Variants in DPP6 observed in about 807,000 individuals in gnomAD.
DPP6 encodes the protein dipeptidyl peptidase like 6, also known as A-type potassium channel modulatory protein DPP6.
In DPP6, 69 loss-of-function variants were observed where a neutral mutation model predicts 122.6. That is an observed-to-expected ratio of 0.56 (90% CI 0.46 to 0.69). The LOEUF (loss-of-function observed/expected upper bound fraction) is 0.69. Among genes scored for constraint, DPP6 ranks in the 30% least tolerant of loss-of-function variants. The pLI is 0.00. For missense variants in DPP6, 928 were observed against 1,116.9 expected (o/e 0.83, Z 2.41); for synonymous variants, 418 against 433.1 (o/e 0.97, Z 0.43).
At chr7:154,017,727 T>TAAAA in intron 1 of DPP6, among the ~76,000 whole-genome samples, 1 of 109,452 alleles carries the variant, frequency 9.1e-6, no homozygotes, top group African/African-American at 3.7e-5. Context: ...AATAAAAAAA[T>TAAAA]AAAAAAAAAA....
At chr7:154,888,281 G>T (rs532045861) in intron 23 of DPP6, among the ~76,000 whole-genome samples, 2 of 152,060 alleles carry the variant, frequency 1.3e-5, no homozygotes, top group South Asian at 2.1e-4. Context: ...TAGAGACGGG[G>T]TTTCACCGTG....
At chr7:154,433,614 C>T (rs916454624) in intron 1 of DPP6, among the ~76,000 whole-genome samples, 9 of 152,070 alleles carry the variant, frequency 5.9e-5, no homozygotes, top group African/African-American at 1.9e-4. Context: ...ATTTTTGTAC[C>T]ATCATTTTGA....
chr7:154,856,767 C>T lies in DPP6; in HGVS notation c.1714+2940C>T, dbSNP rs938494195. ...GGGAATTTTTTAGGAAGCATTTCGC[C>T]GTTTGCAGTTGAGCTGTCACTTTGG... On this transcript the variant is annotated intron_variant, in intron 17 of 25. Transcript: ENST00000377770. Among the ~76,000 whole-genome samples the T allele has an allele frequency of 3.3e-5, 5 of 152,160 alleles. No homozygotes were observed. The South Asian group carries it at 6.2e-4, about 19-fold the overall frequency.
chr7:153,954,631 A>G (rs1321268521), intron 1 of DPP6, among the ~76,000 whole-genome samples: 1 of 152,216 alleles, frequency 6.6e-6, no homozygotes, highest in Non-Finnish European at 1.5e-5. Context: ...TGAACTTCAA[A>G]TAAAGCAGGT....
intron 1 of DPP6, among the ~76,000 whole-genome samples, chr7:154,372,080 A>C (rs1452951421): frequency 6.6e-6 from 1 of 151,522 alleles, no homozygotes; most frequent in East Asian, 2.0e-4. Flanking sequence ...CCCCCCGGGG[A>C]GTGGGGAGAG....
intron 1 of DPP6, among the ~76,000 whole-genome samples, chr7:153,929,074 G>A (rs988218267): frequency 1.3e-5 from 2 of 152,172 alleles, no homozygotes; most frequent in Admixed American, 1.3e-4. Flanking sequence ...GTGACTGGAA[G>A]GTTTGAGTCG....
chr7:153,928,396 A>ATTTTTTTTTTTTTTTTTTCTTTTTTTT, intron 1 of DPP6, among the ~76,000 whole-genome samples: 1 of 43,672 alleles, frequency 2.3e-5, no homozygotes, highest in Non-Finnish European at 4.4e-5. Context: ...CTTTTCTTTC[A>ATTTTTTTTTTTTTTTTTTCTTTTTTTT]TTTTTTTTTT....
rs556801082 is a variant in DPP6, at chr7:153,896,771, C to T, written c.51+9037C>T. On this transcript the variant is annotated intron_variant, in intron 1 of 25. Transcript: ENST00000404039. Reference sequence around the variant, plus strand: ...GAGGCTGCCGTGGGCCAAGATTGTGCCAATGCACTTCAGCCTGGGTGGCAA... The same window carrying T: ...GAGGCTGCCGTGGGCCAAGATTGTGTCAATGCACTTCAGCCTGGGTGGCAA... 2.0e-5 allele frequency among the ~76,000 whole-genome samples: 3 copies of T among 152,298 alleles called. No homozygotes were observed. In the South Asian group the frequency reaches 6.2e-4, roughly 32 times the overall value.
intron 1 of DPP6, among the ~76,000 whole-genome samples, chr7:154,304,387 G>T (rs913752185): frequency 1.3e-5 from 2 of 152,186 alleles, no homozygotes; most frequent in Non-Finnish European, 2.9e-5. Context: ...TGACTGCTCC[G>T]GTGCAGGGAG....
rs568908976 is a variant in DPP6, at chr7:153,956,395, G to A, written c.51+68661G>A. Among the ~76,000 whole-genome samples the A allele has an allele frequency of 9.8e-5, 15 of 152,286 alleles. No homozygotes were observed. The East Asian group carries it at 2.3e-3, about 24-fold the overall frequency. ...GTGTTTGCTCCAGAAAAGAGACAGC[G>A]AAACTCAGGGCTGGGGATAGGAGAT... On this transcript the variant is annotated intron_variant, in intron 1 of 25. Coordinates refer to the DPP6 transcript ENST00000404039.
the DPP6 span, among the ~76,000 whole-genome samples, chr7:153,773,884 AAAAT>A: frequency 6.6e-6 from 1 of 151,662 alleles, no homozygotes; most frequent in East Asian, 1.9e-4. Context: ...AGAAAATAAA[AAAAT>A]CAATAGAGAA....
At chr7:154,263,676 C>CT (rs904581015) in intron 1 of DPP6, among the ~76,000 whole-genome samples, 13 of 151,642 alleles carry the variant, frequency 8.6e-5, no homozygotes, top group South Asian at 2.1e-4. Flanking sequence ...CTGTTATGTT[C>CT]TTTTTATTAT....
At chr7:154,421,215 G>T (rs1447732832) in intron 1 of DPP6, among the ~76,000 whole-genome samples, 1 of 152,116 alleles carries the variant, frequency 6.6e-6, no homozygotes, top group Non-Finnish European at 1.5e-5. Flanking sequence ...CTTGCATGGG[G>T]CAGTAACCAG....
chr7:154,133,681 G>T (rs1316246071), intron 1 of DPP6, among the ~76,000 whole-genome samples: 1 of 152,040 alleles, frequency 6.6e-6, no homozygotes, highest in East Asian at 1.9e-4. Flanking sequence ...GCAGGGTGGG[G>T]CTGTTCTAAA....
rs1244139029 is a variant in DPP6 at position 154,245,652 on chromosome 7, A to C, written c.243+192589A>C. Among the ~76,000 whole-genome samples the C allele has an allele frequency of 4.1e-5, 6 of 144,748 alleles. No individual in the cohort carries two copies. The Admixed American group carries it at 4.2e-4, about 10-fold the overall frequency. The allele number at this position is 144,748 out of a possible 152,430, so 95.0% of individuals were successfully genotyped here. Reference sequence around the variant, plus strand: ...GACTGTCTCAAAAAAAAAAAAAAAAAGCTATGGCTATGTTAATATCAGAAA... The same window carrying C: ...GACTGTCTCAAAAAAAAAAAAAAAACGCTATGGCTATGTTAATATCAGAAA... On this transcript the variant is annotated intron_variant, in intron 1 of 25. Coordinates refer to ENST00000377770, the MANE Select transcript of DPP6 (RefSeq NM_130797.4).
intron 1 of DPP6, among the ~76,000 whole-genome samples, chr7:154,183,934 A>T (rs1030282118): frequency 6.6e-6 from 1 of 152,208 alleles, no homozygotes; most frequent in African/African-American, 2.4e-5. Context: ...AGGCATCTGT[A>T]GATTTATTTC....
chr7:154,117,037 T>C (rs1328129663), intron 1 of DPP6, among the ~76,000 whole-genome samples: 1 of 151,910 alleles, frequency 6.6e-6, no homozygotes, highest in Non-Finnish European at 1.5e-5. Context: ...TTGAAACCCC[T>C]GGGAATGAAT....
At chr7:154,818,473 C>CT (rs1459220306) in intron 16 of DPP6, among the ~76,000 whole-genome samples, 1 of 152,132 alleles carries the variant, frequency 6.6e-6, no homozygotes, top group Admixed American at 6.6e-5. Flanking sequence ...AAATTATTTG[C>CT]TAATAACTCA....
At chr7:153,801,503 G>T in the DPP6 span, among the ~76,000 whole-genome samples, 1 of 152,146 alleles carries the variant, frequency 6.6e-6, no homozygotes, top group African/African-American at 2.4e-5. Context: ...AAGCTGCCCA[G>T]CTGTGCACTG....
Sources: allele counts gnomAD v4.1 joint callset (sites outside exome capture counted in the v4.1 genomes callset), GRCh38; gene constraint gnomAD v4.1.1; transcripts MANE v1.5; gene names NCBI Gene and HGNC (gene_info 2026-07-23, HGNC 2026-07-21).